PCSK5: variants seen among roughly 807,000 people sequenced by gnomAD.
The protein encoded by PCSK5 is prohormone convertase 5.
Under a neutral mutation model 233.2 loss-of-function variants are expected in PCSK5, and 129 were observed. That is an observed-to-expected ratio of 0.55 (90% CI 0.48 to 0.64). The LOEUF (loss-of-function observed/expected upper bound fraction) is 0.64, where lower values mean the gene tolerates loss of function less well. PCSK5 is among the 30% of genes least tolerant of loss of function. PCSK5 has a pLI of 0.00. For synonymous variants in PCSK5, 825 were observed against 879.2 expected (o/e 0.94, Z 1.09); for missense variants, 2,076 against 2,430.1 (o/e 0.85, Z 3.06).
At chr9:76,040,849 A>G (rs1829087967) in intron 5 of PCSK5, among the ~76,000 whole-genome samples, 1 of 152,210 alleles carries the variant, frequency 6.6e-6, no homozygotes, top group Non-Finnish European at 1.5e-5. Context: ...CTGAATACCT[A>G]GTAGAAACAT....
At chr9:76,242,101 T>C (rs1826447963) in intron 24 of PCSK5, among the ~76,000 whole-genome samples, 2 of 152,204 alleles carry the variant, frequency 1.3e-5, no homozygotes, top group Admixed American at 1.3e-4. Flanking sequence ...TTCTTACTAA[T>C]ACATAATAGT....
intron 19 of PCSK5, 40 bp from the exon 20 acceptor site, chr9:76,189,591 A>G (rs1376202120): frequency 8.3e-7 from 1 of 1,198,136 alleles, no homozygotes. Flanking sequence ...TCCCCTGTGC[A>G]TGTGTGAATG....
chr9:76,213,981 C>T (rs571779559), intron 20 of PCSK5, among the ~76,000 whole-genome samples: 3 of 152,168 alleles, frequency 2.0e-5, no homozygotes, highest in Non-Finnish European at 4.4e-5. Context: ...ATTCCTCACA[C>T]TTAGGAACAA....
At chr9:76,006,070 C>A (rs113801326) in intron 3 of PCSK5, among the ~76,000 whole-genome samples, 1,659 of 151,100 alleles carry the variant, frequency 0.011, 17 homozygotes, top group South Asian at 0.032. Context: ...CACCATCTTT[C>A]CAAGGCTAAT....
At chr9:76,199,091 C>T (rs1199967034) in intron 20 of PCSK5, among the ~76,000 whole-genome samples, 35 of 152,176 alleles carry the variant, frequency 2.3e-4, no homozygotes, top group Non-Finnish European at 1.5e-5. Context: ...ATACTTACAG[C>T]CATTGTCACT....
intron 24 of PCSK5, 26 bp downstream of exon 24, chr9:76,240,710 A>C (rs1036483855): frequency 9.3e-6 from 14 of 1,502,164 alleles, no homozygotes; most frequent in Middle Eastern, 1.7e-4. Flanking sequence ...TTGTCACCTA[A>C]AGAGTTGAAA....
chr9:76,211,714 G>A (rs375598393), intron 20 of PCSK5, among the ~76,000 whole-genome samples: 5 of 152,196 alleles, frequency 3.3e-5, no homozygotes, highest in Non-Finnish European at 7.3e-5. Context: ...CAGGCATGGC[G>A]GTGCACGCCT....
chr9:76,002,187 A>G (rs1384699741), intron 3 of PCSK5, among the ~76,000 whole-genome samples: 1 of 152,224 alleles, frequency 6.6e-6, no homozygotes, highest in African/African-American at 2.4e-5. Flanking sequence ...CTAGCAGGAC[A>G]TAGTCAAACT....
chr9:76,310,531 T>G, intron 29 of PCSK5, 125 bp from the exon 30 acceptor site: 1 of 526,798 alleles, frequency 1.9e-6, no homozygotes, highest in Non-Finnish European at 3.2e-6. Flanking sequence ...CACTAGCAAA[T>G]ATTTTGGTAA....
intron 4 of PCSK5, among the ~76,000 whole-genome samples, chr9:76,025,457 A>G (rs1828382438): frequency 6.6e-6 from 1 of 152,084 alleles, no homozygotes; most frequent in Non-Finnish European, 1.5e-5. Flanking sequence ...AACTGAAAAT[A>G]AGCCAAATTA....
intron 9 of PCSK5, among the ~76,000 whole-genome samples, chr9:76,120,838 C>G (rs754563545): frequency 3.3e-5 from 5 of 151,978 alleles, no homozygotes; most frequent in Non-Finnish European, 7.4e-5. Context: ...CCTGCCTCTA[C>G]TATTATTTCC....
At chr9:76,026,749 C>T (rs1828440970) in intron 4 of PCSK5, among the ~76,000 whole-genome samples, 1 of 152,128 alleles carries the variant, frequency 6.6e-6, no homozygotes, top group South Asian at 2.1e-4. Flanking sequence ...AGTTCTTCTT[C>T]ACCTTAAGGG....
At chr9:75,897,287 AAAGG>A (rs1825845557) in intron 1 of PCSK5, among the ~76,000 whole-genome samples, 1 of 152,030 alleles carries the variant, frequency 6.6e-6, no homozygotes, top group Admixed American at 6.5e-5. Context: ...ATGGGGGCTG[AAAGG>A]AAGAGGAATA....
intron 9 of PCSK5, among the ~76,000 whole-genome samples, chr9:76,126,626 G>GT (rs1463828440): frequency 1.3e-5 from 2 of 152,040 alleles, no homozygotes; most frequent in Non-Finnish European, 2.9e-5. Context: ...AAAAAAAACC[G>GT]TTTTTTACAG....
intron 3 of PCSK5, among the ~76,000 whole-genome samples, chr9:76,013,203 A>G (rs1468389606): frequency 6.6e-6 from 1 of 152,176 alleles, no homozygotes; most frequent in African/African-American, 2.4e-5. Flanking sequence ...TGTTGAGTTT[A>G]AACAGGTTAA....
At chr9:75,892,442 G>A (rs1394511474) in intron 1 of PCSK5, among the ~76,000 whole-genome samples, 1 of 152,224 alleles carries the variant, frequency 6.6e-6, no homozygotes. Flanking sequence ...TGGCCGGAGG[G>A]GCGGGCCCTG....
At position 76,292,215 on chromosome 9, in the gene PCSK5, ATTAT is replaced by A; in HGVS notation, c.3143-15_3143-12del. 6.9e-7 allele frequency: 1 copy of A among 1,452,928 alleles called. No homozygotes were observed. The highest frequency in any genetic ancestry group is 2.3e-5 in the East Asian group (1 of 44,236). The allele number at this position is 1,452,928 out of a possible 1,614,324, so 90.0% of individuals were successfully genotyped here. The stretch of plus-strand genomic sequence containing the variant: ...GAATTCCTCATGATTATTACTTTTT[ATTAT>A]TTTTTTTTTCCAGATGATCCAGGAA... On this transcript the variant is annotated splice_polypyrimidine_tract_variant and intron_variant, in intron 24 of 37. Coordinates refer to ENST00000674117, the MANE Select transcript of PCSK5 (RefSeq NM_001372043.1).
At chr9:76,024,425 T>C (rs1017380189) in intron 4 of PCSK5, among the ~76,000 whole-genome samples, 4 of 152,222 alleles carry the variant, frequency 2.6e-5, no homozygotes, top group Non-Finnish European at 1.5e-5. Flanking sequence ...AAACTGTCTC[T>C]TTACAGAATA....
In PCSK5 at chr9:76,361,793, A is replaced by G. The variant is rs1399551233; in HGVS notation, c.*2871A>G. The G allele has an allele frequency of 1.3e-5, 2 of 152,240 alleles. No individual in the cohort carries two copies. The highest frequency in any genetic ancestry group is 2.9e-5 in the Non-Finnish European group (2 of 68,042). The allele number at this position is 152,240 out of a possible 1,614,324, so 9.4% of individuals were successfully genotyped here. On this transcript the variant is annotated 3_prime_UTR_variant, in exon 38 of 38. Coordinates refer to ENST00000674117, the MANE Select transcript of PCSK5 (RefSeq NM_001372043.1). ...CTTAGAAACATATAAAAATATATGCATGATAGCCATCATATCAATGGAAGA... is the reference window on the plus strand; with the variant it reads ...CTTAGAAACATATAAAAATATATGCGTGATAGCCATCATATCAATGGAAGA...
Sources: allele counts gnomAD v4.1 joint callset (sites outside exome capture counted in the v4.1 genomes callset), GRCh38; gene constraint gnomAD v4.1.1; transcripts MANE v1.5; gene names NCBI Gene and HGNC (gene_info 2026-07-23, HGNC 2026-07-21).